Variants in HECW1 observed in about 807,000 individuals in gnomAD.
HECW1 encodes the protein E3 ubiquitin-protein ligase HECW1.
A neutral mutation model predicts 182.3 loss-of-function variants in HECW1; 61 were observed. The observed-to-expected ratio is 0.33, with a 90% CI of 0.27 to 0.41. HECW1 has a LOEUF of 0.41. HECW1 is among the 10% of genes least tolerant of loss of function. HECW1 has a pLI of 1.00. For missense variants in HECW1, 1,739 were observed against 2,108.9 expected, an observed-to-expected ratio of 0.82 and a Z score of 3.44; for synonymous variants, 859 against 832.6, an observed-to-expected ratio of 1.03 and a Z score of -0.55.
chr7:43,171,395 A>G (rs927210293), intron 2 of HECW1, among the ~76,000 whole-genome samples: 5 of 152,116 alleles, frequency 3.3e-5, no homozygotes, highest in Admixed American at 1.3e-4. Context: ...TAAGTCTGCT[A>G]TTTCTTTAGT....
chr7:43,140,237 A>G (rs1788015699), intron 2 of HECW1, among the ~76,000 whole-genome samples: 1 of 151,602 alleles, frequency 6.6e-6, no homozygotes, highest in African/African-American at 2.4e-5. Flanking sequence ...TCTGAATTTG[A>G]TTATTTTTAT....
At chr7:43,507,007 T>G in intron 21 of HECW1, 130 bp from the exon 22 acceptor site, 1 of 1,100,494 alleles carries the variant, frequency 9.1e-7, no homozygotes, top group Admixed American at 3.2e-5. Flanking sequence ...GAGGTGGAAG[T>G]TGCGGTAAGC....
At chr7:43,115,299 CTT>C (rs34686016) in intron 2 of HECW1, among the ~76,000 whole-genome samples, 47 of 138,174 alleles carry the variant, frequency 3.4e-4, no homozygotes, top group Non-Finnish European at 5.2e-4. Flanking sequence ...TCAAACAGGT[CTT>C]TTTTTTTTTT....
chr7:43,316,877 C>T, intron 4 of HECW1, among the ~76,000 whole-genome samples: 1 of 143,884 alleles, frequency 7.0e-6, no homozygotes, highest in East Asian at 2.0e-4. Flanking sequence ...GAATCTGGTC[C>T]TCTAAATTTA....
chr7:43,542,063 A>G, intron 26 of HECW1, 65 bp downstream of exon 26: 1 of 1,332,174 alleles, frequency 7.5e-7, no homozygotes, highest in Non-Finnish European at 9.9e-7. Context: ...CACATAACAT[A>G]AAGTTATCAT....
At chr7:43,198,652 C>T (rs1230628606) in intron 2 of HECW1, among the ~76,000 whole-genome samples, 2 of 149,512 alleles carry the variant, frequency 1.3e-5, no homozygotes, top group East Asian at 4.0e-4. Context: ...CACACTCTAT[C>T]TCACACACAC....
At chr7:43,525,971 T>C (rs907195187) in intron 24 of HECW1, among the ~76,000 whole-genome samples, 1 of 152,214 alleles carries the variant, frequency 6.6e-6, no homozygotes. Context: ...AGAGTATCAA[T>C]AAATTCTATT....
intron 24 of HECW1, among the ~76,000 whole-genome samples, chr7:43,517,215 G>T (rs2080201300): frequency 6.6e-6 from 1 of 152,130 alleles, no homozygotes; most frequent in Non-Finnish European, 1.5e-5. Context: ...GCTCATTTAT[G>T]TCTGTGGTGG....
At chr7:43,326,554 C>T (rs748247403) in intron 5 of HECW1, among the ~76,000 whole-genome samples, 1 of 152,202 alleles carries the variant, frequency 6.6e-6, no homozygotes, top group African/African-American at 2.4e-5. Context: ...AGCCATGTGT[C>T]AGGGACAGTA....
chr7:43,205,496 A>T (rs940376796), intron 2 of HECW1, among the ~76,000 whole-genome samples: 1 of 152,160 alleles, frequency 6.6e-6, no homozygotes, highest in South Asian at 2.1e-4. Context: ...GGATGAAATC[A>T]CTTGTGCTGC....
At position 43,445,159 on chromosome 7, in the gene HECW1, A is replaced by T; in HGVS notation, c.1987A>T (p.Arg663Trp). 1.2e-6 allele frequency: 2 copies of T among 1,611,032 alleles called. No homozygotes were observed. Among genetic ancestry groups the T allele is most frequent in the Non-Finnish European group, 1.7e-6 (2 of 1,178,656 alleles). Residue 663 changes from arginine to tryptophan, a missense_variant, in exon 11 of 30, where the codon AGG becomes TGG. Transcript: ENST00000395891. ...STGSESDSSP[R>W]QGGDHSCEGC... ...CGGGAGCGAGAGCGACTCCAGCCCC[A>T]GGCAAGGCGGGGACCACAGTTGCGA...
intron 2 of HECW1, among the ~76,000 whole-genome samples, chr7:43,129,972 G>T (rs1341523258): frequency 6.6e-6 from 1 of 152,172 alleles, no homozygotes; most frequent in Non-Finnish European, 1.5e-5. Flanking sequence ...TATAGATGCA[G>T]TTTTTTCTCA....
chr7:43,384,899 G>A (rs559186335), intron 6 of HECW1, among the ~76,000 whole-genome samples: 13 of 152,182 alleles, frequency 8.5e-5, no homozygotes, highest in South Asian at 4.2e-4. Flanking sequence ...CTTTGCAGTC[G>A]TTTGGTTTAA....
chr7:43,550,402 A>G, intron 26 of HECW1, 43 bp from the exon 27 acceptor site: 2 of 1,611,476 alleles, frequency 1.2e-6, no homozygotes, highest in Non-Finnish European at 1.7e-6. Context: ...CTGAGAGATA[A>G]GCAGAACTGA....
intron 3 of HECW1, among the ~76,000 whole-genome samples, chr7:43,263,802 C>T (rs1313085396): frequency 1.3e-5 from 2 of 152,114 alleles, no homozygotes; most frequent in Non-Finnish European, 2.9e-5. Flanking sequence ...GAAGAGGCTG[C>T]AGGATTTGTT....
chr7:43,250,634 G>C (rs1353332319), intron 3 of HECW1, among the ~76,000 whole-genome samples: 1 of 151,960 alleles, frequency 6.6e-6, no homozygotes, highest in Non-Finnish European at 1.5e-5. Context: ...TCCGCCTCTG[G>C]GTACAATCTA....
intron 9 of HECW1, 155 bp downstream of exon 9, chr7:43,438,300 CA>C: frequency 1.7e-6 from 1 of 602,742 alleles, no homozygotes. Context: ...TTGCCTGAGC[CA>C]ACATAAGTGT....
chr7:43,491,868 C>T (rs557303957), intron 17 of HECW1, among the ~76,000 whole-genome samples: 1 of 152,220 alleles, frequency 6.6e-6, no homozygotes. Flanking sequence ...GGATTACAGG[C>T]GTGAGCCAGA....
At chr7:43,318,518 T>A (rs1809631651) in intron 4 of HECW1, among the ~76,000 whole-genome samples, 1 of 152,220 alleles carries the variant, frequency 6.6e-6, no homozygotes, top group Admixed American at 6.5e-5. Context: ...AGGGGCAGCC[T>A]AAAATGTGCA....
Sources: allele counts gnomAD v4.1 joint callset (sites outside exome capture counted in the v4.1 genomes callset), GRCh38; gene constraint gnomAD v4.1.1; transcripts MANE v1.5; gene names NCBI Gene and HGNC (gene_info 2026-07-23, HGNC 2026-07-21).